Variants in HEMK2 observed in about 807,000 individuals in gnomAD.
The protein encoded by HEMK2 is HemK methyltransferase 2, ETF1 glutamine and histone H4 lysine.
the HEMK2 span, among the ~76,000 whole-genome samples, chr21:28,863,745 A>G: frequency 1.3e-5 from 2 of 152,046 alleles, no homozygotes; most frequent in Non-Finnish European, 2.9e-5. Flanking sequence ...TTTCAGAGTA[A>G]GATTATCAGG....
chr21:28,648,615 G>A, the HEMK2 span, among the ~76,000 whole-genome samples: 7 of 152,120 alleles, frequency 4.6e-5, no homozygotes, highest in East Asian at 1.3e-3. Context: ...AGACTTTTGA[G>A]ATCATTTAGT....
chr21:28,841,397 A>ATATATAATATATATAATATTT, the HEMK2 span, among the ~76,000 whole-genome samples: 6 of 37,742 alleles, frequency 1.6e-4, 1 homozygote, highest in African/African-American at 3.8e-4. Context: ...ATAAAATATT[A>ATATATAATATATATAATATTT]TATATATAAT....
chr21:28,583,141 T>C, the HEMK2 span, among the ~76,000 whole-genome samples: 1 of 152,232 alleles, frequency 6.6e-6, no homozygotes. Context: ...AACAATTTAT[T>C]TTATTTTTTA....
At chr21:28,650,101 CA>C in the HEMK2 span, among the ~76,000 whole-genome samples, 3 of 151,996 alleles carry the variant, frequency 2.0e-5, no homozygotes, top group Admixed American at 2.0e-4. Context: ...GGAGTTCAGA[CA>C]AAAAACATTG....
chr21:28,715,035 C>T, the HEMK2 span, among the ~76,000 whole-genome samples: 1 of 152,152 alleles, frequency 6.6e-6, no homozygotes, highest in Non-Finnish European at 1.5e-5. Flanking sequence ...TTTATCCAAT[C>T]CACCACTGAA....
At chr21:28,617,810 C>CA in the HEMK2 span, among the ~76,000 whole-genome samples, 1 of 145,496 alleles carries the variant, frequency 6.9e-6, no homozygotes, top group South Asian at 2.2e-4. Flanking sequence ...TTTTTTAAGA[C>CA]AGAGTCTCAT....
At chr21:28,795,584 G>A in the HEMK2 span, among the ~76,000 whole-genome samples, 1 of 152,128 alleles carries the variant, frequency 6.6e-6, no homozygotes, top group African/African-American at 2.4e-5. Context: ...ACAGATAAAA[G>A]GTACAGAAAA....
the HEMK2 span, among the ~76,000 whole-genome samples, chr21:28,869,451 A>G: frequency 6.6e-6 from 1 of 152,030 alleles, no homozygotes. Flanking sequence ...TGGTTTTGTT[A>G]TCAAGGTTTT....
chr21:28,643,557 G>T, the HEMK2 span, among the ~76,000 whole-genome samples: 1 of 152,154 alleles, frequency 6.6e-6, no homozygotes, highest in Non-Finnish European at 1.5e-5. Context: ...ATGCACACCT[G>T]TAGTCCCAGC....
chr21:28,686,468 C>T, the HEMK2 span, among the ~76,000 whole-genome samples: 1 of 152,040 alleles, frequency 6.6e-6, no homozygotes, highest in Non-Finnish European at 1.5e-5. Flanking sequence ...CTCCTGACCT[C>T]GTGATCCTCC....
chr21:28,733,995 A>T, the HEMK2 span, among the ~76,000 whole-genome samples: 1 of 63,882 alleles, frequency 1.6e-5, no homozygotes, highest in African/African-American at 1.3e-4. Context: ...GATGGAGAAA[A>T]GCCATTATCA....
the HEMK2 span, among the ~76,000 whole-genome samples, chr21:28,778,169 C>T: frequency 6.6e-6 from 1 of 152,196 alleles, no homozygotes; most frequent in African/African-American, 2.4e-5. Flanking sequence ...AGGCTATCCT[C>T]CAATTCTAAA....
chr21:28,831,578 AGAAGGAAAGAAGGAAAGAAGGAAAGAAG>A, the HEMK2 span, among the ~76,000 whole-genome samples: 520 of 68,304 alleles, frequency 7.6e-3, no homozygotes, highest in Middle Eastern at 0.021. Context: ...AAAGAAAGAA[AGAAGGAAAGAAGGAAAGAAGGAAAGAAG>A]GAAAGAAGGA....
chr21:28,817,974 TAC>T, the HEMK2 span, among the ~76,000 whole-genome samples: 1 of 152,162 alleles, frequency 6.6e-6, no homozygotes. Flanking sequence ...CATCTGCACA[TAC>T]AGATAGTGTG....
At chr21:28,683,673 G>A in the HEMK2 span, among the ~76,000 whole-genome samples, 1 of 152,090 alleles carries the variant, frequency 6.6e-6, no homozygotes, top group Non-Finnish European at 1.5e-5. Context: ...CTCTCTGAAA[G>A]TCTTAATACA....
chr21:28,741,755 G>GTA, the HEMK2 span, among the ~76,000 whole-genome samples: 9 of 152,162 alleles, frequency 5.9e-5, no homozygotes, highest in Non-Finnish European at 1.2e-4. Flanking sequence ...CGGCAGCATA[G>GTA]TATTCCATGG....
chr21:28,878,944 T>C, the HEMK2 span, among the ~76,000 whole-genome samples: 11 of 148,116 alleles, frequency 7.4e-5, no homozygotes, highest in East Asian at 2.1e-3. Flanking sequence ...TTATTAAATA[T>C]ATATATTTAT....
chr21:28,832,945 G>A, the HEMK2 span, among the ~76,000 whole-genome samples: 1 of 152,182 alleles, frequency 6.6e-6, no homozygotes. Context: ...CATGTGCTAG[G>A]TGTTGAACTA....
At chr21:28,690,446 G>A in the HEMK2 span, among the ~76,000 whole-genome samples, 3 of 152,192 alleles carry the variant, frequency 2.0e-5, no homozygotes, top group Non-Finnish European at 4.4e-5. Flanking sequence ...ACTCATAGCA[G>A]AGAAGCAAGT....
Sources: allele counts gnomAD v4.1 joint callset (sites outside exome capture counted in the v4.1 genomes callset), GRCh38; gene constraint gnomAD v4.1.1; transcripts MANE v1.5; gene names NCBI Gene and HGNC (gene_info 2026-07-23, HGNC 2026-07-21).